DMC1: variants seen among roughly 807,000 people sequenced by gnomAD.
DMC1 encodes DNA meiotic recombinase 1.
In DMC1, 27 loss-of-function variants were observed where a neutral mutation model predicts 50.1. The ratio of observed to expected loss-of-function variants is 0.54; its 90% confidence interval spans 0.40 to 0.74. The LOEUF (loss-of-function observed/expected upper bound fraction) is 0.74. Among genes scored for constraint, DMC1 ranks in the 30% least tolerant of loss-of-function variants. The pLI is 0.00. For synonymous variants in DMC1, 148 were observed against 136.1 expected (o/e 1.09, Z -0.61); for missense variants, 295 against 420.2 (o/e 0.70, Z 2.60).
downstream of DMC1, among the ~76,000 whole-genome samples, chr22:38,517,892 C>T (rs2089987087): frequency 6.6e-6 from 1 of 152,080 alleles, no homozygotes; most frequent in South Asian, 2.1e-4. Context: ...CCGAGTTAGT[C>T]TCTGTTTTCT....
chr22:38,513,573 T>G, the DMC1 span, among the ~76,000 whole-genome samples: 1 of 152,122 alleles, frequency 6.6e-6, no homozygotes, highest in African/African-American at 2.4e-5. Flanking sequence ...TCTCTCTCTT[T>G]CTTTTTTCTT....
chr22:38,566,328 T>G (rs1323856834), intron 4 of DMC1, among the ~76,000 whole-genome samples: 1 of 148,502 alleles, frequency 6.7e-6, no homozygotes, highest in African/African-American at 2.5e-5. Flanking sequence ...CCAGAAAAAG[T>G]AATATAAAGA....
chr22:38,566,692 G>A lies in DMC1; in HGVS notation c.141C>T (p.Thr47=). 1 of 1,612,774 alleles carries A rather than the reference G, an allele frequency of 6.2e-7. No homozygotes were observed. The highest frequency in any genetic ancestry group is 8.5e-7 in the Non-Finnish European group (1 of 1,178,808). The change falls in exon 4 of 14, where the codon ACC becomes ACT. Residue 47 remains threonine (T), a synonymous_variant. Transcript: ENST00000216024. ...TTGTTGTCATCTGTATACCTTTGAT[G>A]GTACAGATTCCTACTGATTTCAGTT... is the stretch of plus-strand genomic sequence containing the variant. The part of the protein sequence containing the change: ...IKKLKSVGIC[T]IKGIQMTTRR...
intron 8 of DMC1, chr22:38,545,937 A>C (rs2145906567): frequency 6.6e-6 from 1 of 152,384 alleles, no homozygotes; most frequent in East Asian, 1.9e-4. Context: ...TATAAAAAGA[A>C]AACTATCAAG....
chr22:38,539,423 C>G lies in DMC1; in HGVS notation c.495-11G>C. The G allele has an allele frequency of 6.2e-7, 1 of 1,610,924 alleles. No homozygotes were observed. Among genetic ancestry groups the G allele is most frequent in the Non-Finnish European group, 8.5e-7 (1 of 1,177,340 alleles). On this transcript the variant is annotated splice_polypyrimidine_tract_variant and intron_variant, in intron 8 of 13. Coordinates refer to ENST00000216024, the MANE Select transcript of DMC1 (RefSeq NM_007068.4). ...AGGCGATCTGGACGGCTGGAGTATG[C>G]CAAGATTAAGGATCCAATAAGTCAA...
intron 6 of DMC1, 88 bp from the exon 7 acceptor site, chr22:38,552,795 G>T: frequency 1.1e-6 from 1 of 882,808 alleles, no homozygotes. Context: ...GAATATTACT[G>T]TTTTCTTTTT....
downstream of DMC1, among the ~76,000 whole-genome samples, chr22:38,518,004 G>A (rs924180482): frequency 4.1e-5 from 6 of 147,866 alleles, no homozygotes; most frequent in Admixed American, 6.8e-5. Context: ...ACGGAGTCTC[G>A]CTCTGTCACC....
intron 12 of DMC1, 142 bp downstream of exon 12, chr22:38,537,450 G>C: frequency 1.4e-6 from 1 of 721,650 alleles, no homozygotes; most frequent in Non-Finnish European, 2.4e-6. Context: ...CTGACCTCGT[G>C]ATCCGCCTGC....
chr22:38,566,015 G>A (rs536945771), intron 4 of DMC1, among the ~76,000 whole-genome samples: 6 of 152,320 alleles, frequency 3.9e-5, no homozygotes, highest in Admixed American at 2.0e-4. Context: ...GGTGGCTCAT[G>A]CCTGTAATCC....
intron 3 of DMC1, 102 bp downstream of exon 3, chr22:38,567,481 G>T: frequency 1.0e-6 from 1 of 971,258 alleles, no homozygotes; most frequent in Non-Finnish European, 1.7e-6. Context: ...TGCACAGGAC[G>T]TCCCCTTGCA....
Position 38,562,004 on chromosome 22 carries a change from G to A in DMC1, c.326+283C>T, listed in dbSNP as rs114540338. 2.5e-3 allele frequency among the ~76,000 whole-genome samples: 380 copies of A among 152,300 alleles called. 4 individuals carry two copies. The highest frequency in any genetic ancestry group is 8.9e-3 in the African/African-American group (369 of 41,576). On this transcript the variant is annotated intron_variant, in intron 5 of 13. Transcript: ENST00000216024. ...AACATCCTTCATATGGAGAAGGAAA[G>A]TAAATGAAAAGTTAAACTGATTTTT...
intron 12 of DMC1, among the ~76,000 whole-genome samples, chr22:38,525,500 A>G (rs1216667398): frequency 6.6e-6 from 1 of 152,134 alleles, no homozygotes; most frequent in Non-Finnish European, 1.5e-5. Flanking sequence ...TGTGGTACCC[A>G]ATGTGCAAAA....
chr22:38,530,514 T>A, intron 12 of DMC1, among the ~76,000 whole-genome samples: 1 of 152,166 alleles, frequency 6.6e-6, no homozygotes, highest in East Asian at 1.9e-4. Context: ...CTTACTGAGA[T>A]TGGCTTCACA....
At chr22:38,555,504 G>C (rs573592610) in intron 5 of DMC1, 95 bp from the exon 6 acceptor site, 2 of 814,540 alleles carry the variant, frequency 2.5e-6, no homozygotes, top group South Asian at 2.8e-5. Context: ...TCCTATCTAT[G>C]TATCTATCTA....
In DMC1 at chr22:38,537,670, A is replaced by G. The variant is rs773910394; in HGVS notation, c.776-18T>C. ...GTTATATTCTGCATCAAGAGATAAA[A>G]TTTTAAAACTATGAGAAAGGCAATA... On this transcript the variant is annotated intron_variant, in intron 11 of 13. Transcript: ENST00000216024. 6.2e-6 allele frequency: 10 copies of G among 1,607,066 alleles called. No individual in the cohort carries two copies. Among genetic ancestry groups the G allele is most frequent in the Non-Finnish European group, 8.5e-6 (10 of 1,173,722 alleles).
At chr22:38,524,100 A>G (rs1200831335) in intron 12 of DMC1, among the ~76,000 whole-genome samples, 2 of 152,056 alleles carry the variant, frequency 1.3e-5, no homozygotes, top group Non-Finnish European at 2.9e-5. Flanking sequence ...CTTGGATGAC[A>G]TTGCCTGCTA....
chr22:38,551,017 C>A (rs1016495974), intron 7 of DMC1, among the ~76,000 whole-genome samples: 2 of 149,644 alleles, frequency 1.3e-5, no homozygotes, highest in Non-Finnish European at 3.0e-5. Flanking sequence ...GCCGAGTGGG[C>A]GGATCATGAG....
chr22:38,532,640 G>C (rs1461517826), intron 12 of DMC1, among the ~76,000 whole-genome samples: 4 of 148,022 alleles, frequency 2.7e-5, no homozygotes, highest in Non-Finnish European at 6.0e-5. Context: ...TTTTTTTTGA[G>C]ACAGGTTCTC....
At chr22:38,553,606 T>C (rs1341763110) in intron 6 of DMC1, among the ~76,000 whole-genome samples, 3 of 151,188 alleles carry the variant, frequency 2.0e-5, no homozygotes, top group Non-Finnish European at 4.4e-5. Flanking sequence ...AATGGATCAC[T>C]TGAGGTCAGG....
Sources: allele counts gnomAD v4.1 joint callset (sites outside exome capture counted in the v4.1 genomes callset), GRCh38; gene constraint gnomAD v4.1.1; transcripts MANE v1.5; gene names NCBI Gene and HGNC (gene_info 2026-07-23, HGNC 2026-07-21).